GRID1: variants seen among roughly 807,000 people sequenced by gnomAD.
GRID1 encodes glutamate ionotropic receptor delta type subunit 1.
A neutral mutation model predicts 98.0 loss-of-function variants in GRID1; 28 were observed. That is an observed-to-expected ratio of 0.29 (90% CI 0.21 to 0.39). The LOEUF (loss-of-function observed/expected upper bound fraction) is 0.39, where lower values mean the gene tolerates loss of function less well. Ranked by LOEUF, GRID1 falls within the 10% of genes least tolerant of loss-of-function variation. The pLI, the probability that GRID1 is intolerant of heterozygous loss-of-function variation, is 1.00. For missense variants in GRID1, 1,111 were observed against 1,340.5 expected (o/e 0.83, Z 2.67); for synonymous variants, 553 against 538.5 (o/e 1.03, Z -0.37).
chr10:85,612,404 T>C (rs1157108805), intron 15 of GRID1, among the ~76,000 whole-genome samples: 1 of 152,204 alleles, frequency 6.6e-6, no homozygotes, highest in African/African-American at 2.4e-5. Context: ...TCTGAAACCA[T>C]TTAATGAACT....
chr10:86,095,254 A>G (rs1490784073), intron 4 of GRID1, among the ~76,000 whole-genome samples: 4 of 152,242 alleles, frequency 2.6e-5, no homozygotes, highest in Admixed American at 1.3e-4. Context: ...TAAAAATTCT[A>G]CAAGATAACA....
At chr10:85,763,931 C>T (rs193188712) in intron 8 of GRID1, among the ~76,000 whole-genome samples, 3 of 152,072 alleles carry the variant, frequency 2.0e-5, no homozygotes, top group Admixed American at 2.0e-4. Flanking sequence ...GAAAAAAATC[C>T]AGCAAAGTCT....
rs116181332 is a variant in GRID1, at chr10:85,898,141, G to A, written c.780+18045C>T. The stretch of plus-strand genomic sequence containing the variant: ...CTACAAACCTATACAGCATGTTACC[G>A]TACTGACTATTGCAGGCAACTGTAA... On this transcript the variant is annotated intron_variant, in intron 5 of 15. Transcript: ENST00000327946. Among the ~76,000 whole-genome samples, 32 of 152,282 alleles carry A rather than the reference G, an allele frequency of 2.1e-4. 1 individual carries two copies. Among genetic ancestry groups the A allele is most frequent in the African/African-American group, 6.7e-4 (28 of 41,560 alleles).
intron 8 of GRID1, among the ~76,000 whole-genome samples, chr10:85,832,068 A>G (rs528092737): frequency 6.6e-6 from 1 of 152,174 alleles, no homozygotes; most frequent in Admixed American, 6.5e-5. Flanking sequence ...TTTTTGTGCC[A>G]TGATATTTGA....
intron 4 of GRID1, among the ~76,000 whole-genome samples, chr10:86,055,437 G>A (rs1843559200): frequency 6.6e-6 from 1 of 152,058 alleles, no homozygotes; most frequent in African/African-American, 2.4e-5. Context: ...AGGTCATGAG[G>A]GTGGGGCCTT....
At chr10:86,156,157 G>C (rs1845242938) in intron 3 of GRID1, among the ~76,000 whole-genome samples, 1 of 152,260 alleles carries the variant, frequency 6.6e-6, no homozygotes, top group Admixed American at 6.5e-5. Flanking sequence ...TGAGCAAGGG[G>C]AGAAGAGAGG....
intron 4 of GRID1, among the ~76,000 whole-genome samples, chr10:85,943,688 T>C (rs1842021730): frequency 6.6e-6 from 1 of 152,170 alleles, no homozygotes; most frequent in African/African-American, 2.4e-5. Flanking sequence ...CAACTATACA[T>C]GCCAAGCAAG....
intron 2 of GRID1, among the ~76,000 whole-genome samples, chr10:86,233,591 C>T (rs1042937624): frequency 6.6e-6 from 1 of 152,174 alleles, no homozygotes; most frequent in South Asian, 2.1e-4. Context: ...CAACATCAGA[C>T]AGTGGTGGTG....
chr10:85,882,847 C>T lies in GRID1; in HGVS notation c.781-13667G>A, dbSNP rs112126514. Among the ~76,000 whole-genome samples the T allele has an allele frequency of 4.6e-3, 692 of 152,028 alleles. 5 individuals are homozygous for T. The highest frequency in any genetic ancestry group is 0.016 in the African/African-American group (652 of 41,510). On this transcript the variant is annotated intron_variant, in intron 5 of 15. Coordinates refer to ENST00000327946, the MANE Select transcript of GRID1 (RefSeq NM_017551.3). ...ATGATATGCCTTTTCTGTTTGGATG[C>T]TTTTTTAGGTTTTTGCTTGTCTTTG...
At chr10:86,049,935 A>G (rs560936341) in intron 4 of GRID1, among the ~76,000 whole-genome samples, 2 of 152,338 alleles carry the variant, frequency 1.3e-5, no homozygotes, top group Non-Finnish European at 2.9e-5. Context: ...CTCCGTTCAC[A>G]GGGACACATG....
intron 2 of GRID1, among the ~76,000 whole-genome samples, chr10:86,257,338 GCT>G (rs1846937772): frequency 6.6e-6 from 1 of 152,204 alleles, no homozygotes; most frequent in South Asian, 2.1e-4. Flanking sequence ...GATATTGATT[GCT>G]ACTGATTCCA....
intron 2 of GRID1, among the ~76,000 whole-genome samples, chr10:86,338,536 C>T (rs1224464443): frequency 6.6e-6 from 1 of 152,126 alleles, no homozygotes; most frequent in African/African-American, 2.4e-5. Flanking sequence ...ACTTGCTGGT[C>T]CCTCCCACCT....
At chr10:85,926,619 G>A (rs1841777914) in intron 4 of GRID1, among the ~76,000 whole-genome samples, 1 of 152,104 alleles carries the variant, frequency 6.6e-6, no homozygotes, top group African/African-American at 2.4e-5. Flanking sequence ...TAGTCCTCAG[G>A]GGTGTGGCCC....
chr10:85,668,485 T>C (rs1841048892), intron 12 of GRID1, among the ~76,000 whole-genome samples: 1 of 152,228 alleles, frequency 6.6e-6, no homozygotes, highest in Admixed American at 6.5e-5. Context: ...AGAAGCCACT[T>C]CTGAGATGTT....
chr10:85,604,507 T>C (rs1842628586), intron 15 of GRID1, among the ~76,000 whole-genome samples: 1 of 152,140 alleles, frequency 6.6e-6, no homozygotes, highest in African/African-American at 2.4e-5. Context: ...GCTCAGCTCA[T>C]TCGTGCTGGG....
chr10:86,332,272 A>G (rs1053893180), intron 2 of GRID1, among the ~76,000 whole-genome samples: 1 of 152,180 alleles, frequency 6.6e-6, no homozygotes, highest in Non-Finnish European at 1.5e-5. Context: ...CTGCCCCAGG[A>G]CGGTGAAGGG....
chr10:85,654,393 C>A (rs935707964), intron 12 of GRID1, among the ~76,000 whole-genome samples: 1 of 152,190 alleles, frequency 6.6e-6, no homozygotes, highest in African/African-American at 2.4e-5. Flanking sequence ...TGAATGCCTG[C>A]AAGACTTCCA....
intron 4 of GRID1, among the ~76,000 whole-genome samples, chr10:85,932,860 C>T (rs542592629): frequency 1.2e-3 from 181 of 152,186 alleles, no homozygotes; most frequent in African/African-American, 3.7e-3. Context: ...GAGGGAAAAT[C>T]GGCAGCAAAA....
intron 3 of GRID1, among the ~76,000 whole-genome samples, chr10:86,188,170 G>A (rs971021220): frequency 1.3e-5 from 2 of 152,364 alleles, no homozygotes; most frequent in African/African-American, 2.4e-5. Context: ...GTTCTTCATT[G>A]CACAGATGGA....
Sources: gnomAD v4.1 joint callset for allele counts (sites outside exome capture counted in the v4.1 genomes callset) on GRCh38, gnomAD v4.1.1 for gene constraint, MANE v1.5 for transcripts, NCBI Gene and HGNC (gene_info 2026-07-23, HGNC 2026-07-21) for gene names.